Variants in MUTYH observed in about 807,000 individuals in gnomAD.
The protein encoded by MUTYH is mutY DNA glycosylase.
MUTYH carries 64 observed loss-of-function variants against 72.9 expected under a neutral mutation model. The ratio of observed to expected loss-of-function variants is 0.88; its 90% CI spans 0.72 to 1.08. The LOEUF (loss-of-function observed/expected upper bound fraction) is 1.08, where lower values mean the gene tolerates loss of function less well. Ranked by LOEUF, MUTYH falls within the 50% of genes least tolerant of loss-of-function variation. The pLI, the probability that MUTYH is intolerant of heterozygous loss-of-function variation, is 0.00. For missense variants in MUTYH, 633 were observed against 671.0 expected (o/e 0.94, Z 0.63); for synonymous variants, 234 against 263.1 (o/e 0.89, Z 1.07).
chr1:45,329,535 T>C, intron 15 of MUTYH, 98 bp from the exon 16 acceptor site: 3 of 1,474,514 alleles, frequency 2.0e-6, no homozygotes, highest in South Asian at 2.5e-5. Context: ...TCTACTGATC[T>C]AGCTAGGCTT....
At chr1:45,340,285 A>G (rs1478042605), upstream of MUTYH, 8 of 1,613,394 alleles carry the variant, frequency 5.0e-6, no homozygotes, top group Non-Finnish European at 6.8e-6. Context: ...GCGCAGTTTC[A>G]GCTCCCGCAG....
At chr1:45,339,744 C>T in intron 1 of MUTYH, 155 bp downstream of exon 1, 1 of 999,638 alleles carries the variant, frequency 1.0e-6, no homozygotes, top group Non-Finnish European at 1.4e-6. Context: ...TCACTGAGCT[C>T]TCCATCCTCT....
rs748700385 is a variant in MUTYH at position 45,331,466 on chromosome 1, C to T, written c.1193G>A (p.Arg398His). Residue 398 changes from arginine (R) to histidine (H), a missense_variant, in exon 13 of 16, where the codon CGT becomes CAT. Coordinates refer to ENST00000456914, the MANE Select transcript of MUTYH (RefSeq NM_001048174.2). ...CGTGGCTGGGAGGGGCCCAGCCCAA[C>T]GCTGTAGTTCCTGCAGCAGGGCCTT... is the stretch of plus-strand genomic sequence containing the variant. ...QRKALLQELQ[R>H]WAGPLPATHL... 5 of 1,614,222 alleles carry T rather than the reference C, an allele frequency of 3.1e-6. No individual in the cohort carries two copies. The highest frequency in any genetic ancestry group is 2.7e-5 in the African/African-American group (2 of 75,068).
At position 45,333,112 on chromosome 1, in the gene MUTYH, ATAG is replaced by A. The variant is rs1161278238; in HGVS notation, c.360_362del (p.Tyr121del). Reference sequence around the variant, plus strand: ...CTGGAGTCACCTGCATCCATCCGGTATAGTAGTTGATCACAGTGGCAACCTGGG... The same window carrying A: ...CTGGAGTCACCTGCATCCATCCGGTATAGTTGATCACAGTGGCAACCTGGG... On this transcript the variant is annotated inframe_deletion, in exon 5 of 16. Transcript: ENST00000456914. 2 of 1,614,112 alleles carry A rather than the reference ATAG, an allele frequency of 1.2e-6. No homozygotes were observed. Among genetic ancestry groups the A allele is most frequent in the African/African-American group, 2.7e-5 (2 of 75,030 alleles).
chr1:45,336,849 A>C (rs1645973856), intron 1 of MUTYH, among the ~76,000 whole-genome samples: 2 of 152,260 alleles, frequency 1.3e-5, no homozygotes, highest in South Asian at 4.1e-4. Context: ...CTGTAGGGAG[A>C]TGGGTAATCA....
intron 1 of MUTYH, among the ~76,000 whole-genome samples, chr1:45,337,140 T>A (rs1472800159): frequency 1.3e-5 from 2 of 151,318 alleles, no homozygotes; most frequent in Non-Finnish European, 2.9e-5. Context: ...TTCAATGGTT[T>A]CCCATTCTTT....
At chr1:45,337,509 C>T (rs1253005363) in intron 1 of MUTYH, among the ~76,000 whole-genome samples, 1 of 151,846 alleles carries the variant, frequency 6.6e-6, no homozygotes, top group African/African-American at 2.4e-5. Flanking sequence ...TTCTCCCTCC[C>T]TCTTTCCTTC....
intron 14 of MUTYH, 42 bp downstream of exon 14, chr1:45,331,140 A>G: frequency 6.2e-7 from 1 of 1,611,876 alleles, no homozygotes; most frequent in Non-Finnish European, 8.5e-7. Flanking sequence ...TAGAACATGT[A>G]GGAAACACAA....
Position 45,334,447 on chromosome 1 carries a change from T to C in MUTYH, c.59A>G (p.Glu20Gly). The stretch of plus-strand genomic sequence containing the variant: ...GTTCTTAGCATGCTTCTGCCTCCCT[T>C]CCTGGCTGGCTGCCTGCTTCCTGTG... ...SGHRKQAASQEGRQKHAKNNS... is the reference protein window; with the variant it reads ...SGHRKQAASQGGRQKHAKNNS... Residue 20 changes from glutamate (E) to glycine (G), a missense_variant, in exon 2 of 16, where the codon GAA becomes GGA. Transcript: ENST00000456914. 6.2e-7 allele frequency: 1 copy of C among 1,614,158 alleles called. No homozygotes were observed. The highest frequency in any genetic ancestry group is 8.5e-7 in the Non-Finnish European group (1 of 1,180,018).
chr1:45,330,567 A>T lies in MUTYH; in HGVS notation c.1393-10T>A, dbSNP rs1557452216. ...GATACACACGGAAAACCTAGACAAGAAGACAGGGAGGTGAGGGCTGGCACT... is the reference window on the plus strand; with the variant it reads ...GATACACACGGAAAACCTAGACAAGTAGACAGGGAGGTGAGGGCTGGCACT... On this transcript the variant is annotated splice_polypyrimidine_tract_variant and intron_variant, in intron 14 of 15. Transcript: ENST00000456914. 6.2e-7 allele frequency: 1 copy of T among 1,607,142 alleles called. No homozygotes were observed.
intron 1 of MUTYH, among the ~76,000 whole-genome samples, chr1:45,338,003 A>T (rs1258034047): frequency 6.6e-6 from 1 of 152,210 alleles, no homozygotes; most frequent in Non-Finnish European, 1.5e-5. Flanking sequence ...AATTTTAAAG[A>T]CTGTGGTCAA....
chr1:45,337,238 G>A (rs1157201752), intron 1 of MUTYH, among the ~76,000 whole-genome samples: 1 of 150,296 alleles, frequency 6.7e-6, no homozygotes, highest in African/African-American at 2.5e-5. Context: ...CTGCTTCCTC[G>A]GCTCAAGCAA....
At chr1:45,336,207 G>A (rs1645860986) in intron 1 of MUTYH, among the ~76,000 whole-genome samples, 1 of 152,176 alleles carries the variant, frequency 6.6e-6, no homozygotes, top group Non-Finnish European at 1.5e-5. Flanking sequence ...AATAGAGCTG[G>A]ACATGCTGGC....
At chr1:45,331,057 CCT>C (rs1644735096) in intron 14 of MUTYH, 123 bp downstream of exon 14, 1 of 1,342,984 alleles carries the variant, frequency 7.4e-7, no homozygotes, top group African/African-American at 1.4e-5. Flanking sequence ...TGCACTCCAG[CCT>C]GGGCAACAGA....
chr1:45,332,763 C>A lies in MUTYH; in HGVS notation c.492G>T (p.Lys164Asn), dbSNP rs876660092. ...TCCTACCCTCCTGCCATCCCCTTAC[C>A]TTCCGAGCTCCCTCCTGCAGCCGCC... Reference protein sequence around the residue: ...RGRRLQEGARKVVEELGGHMP... With the variant: ...RGRRLQEGARNVVEELGGHMP... Residue 164 changes from lysine to asparagine, a missense_variant and splice_region_variant, in exon 7 of 16, where the codon AAG (lysine) becomes AAT (asparagine). Transcript: ENST00000456914. The A allele has an allele frequency of 6.2e-7, 1 of 1,614,200 alleles. No individual in the cohort carries two copies. Among genetic ancestry groups the A allele is most frequent in the Non-Finnish European group, 8.5e-7 (1 of 1,180,028 alleles).
At chr1:45,329,839 T>C (rs1372800745) in intron 15 of MUTYH, 1 of 187,322 alleles carries the variant, frequency 5.3e-6, no homozygotes. Flanking sequence ...CTACGGTTGA[T>C]TCCCCTCCCA....
In MUTYH at chr1:45,331,486, G is replaced by T. The variant is rs1553125813; in HGVS notation, c.1173C>A (p.Ala391=). ...WEPSEQLQRK[A]LLQELQRWAG... The stretch of plus-strand genomic sequence containing the variant: ...CCCAACGCTGTAGTTCCTGCAGCAG[G>T]GCCTTGCGCTGAAGCTGCTCTGAGG... The change falls in exon 13 of 16, where the codon GCC becomes GCA. Residue 391 remains alanine (A), a synonymous_variant. Coordinates refer to ENST00000456914, the MANE Select transcript of MUTYH (RefSeq NM_001048174.2). The T allele has an allele frequency of 3.7e-6, 6 of 1,614,182 alleles. No homozygotes were observed. The highest frequency in any genetic ancestry group is 5.1e-6 in the Non-Finnish European group (6 of 1,180,032).
chr1:45,329,632 T>C (rs1191721892), intron 15 of MUTYH, among the ~76,000 whole-genome samples, 195 bp from the exon 16 acceptor site: 1 of 152,150 alleles, frequency 6.6e-6, no homozygotes, highest in African/African-American at 2.4e-5. Flanking sequence ...GGGAATCGAA[T>C]TGTCCTAAAA....
chr1:45,329,633 T>A lies in MUTYH; in HGVS notation c.1435-196A>T, dbSNP rs568329138. 2.6e-5 allele frequency among the ~76,000 whole-genome samples: 4 copies of A among 152,246 alleles called. 1 individual carries two copies. The South Asian group carries it at 8.3e-4, about 32-fold the overall frequency. On this transcript the variant is annotated intron_variant, in intron 15 of 15. Transcript: ENST00000456914. ...AAAAGGCTGCCTGAGGGAATCGAATTGTCCTAAAAATGCAAATCTGACTCC... is the reference window on the plus strand; with the variant it reads ...AAAAGGCTGCCTGAGGGAATCGAATAGTCCTAAAAATGCAAATCTGACTCC...
Sources: allele counts gnomAD v4.1 joint callset (sites outside exome capture counted in the v4.1 genomes callset), GRCh38; gene constraint gnomAD v4.1.1; transcripts MANE v1.5; gene names NCBI Gene and HGNC (gene_info 2026-07-23, HGNC 2026-07-21).